MSRA: variants seen among roughly 807,000 people sequenced by gnomAD.
MSRA encodes the protein mitochondrial peptide methionine sulfoxide reductase.
MSRA carries 54 observed loss-of-function variants against 31.3 expected under a neutral mutation model. The ratio of observed to expected loss-of-function variants is 1.73; its 90% CI spans 1.39 to 2.17. The LOEUF (loss-of-function observed/expected upper bound fraction) is 2.17, where lower values mean the gene tolerates loss of function less well. Ranked by LOEUF, MSRA falls within the 30% of genes most tolerant of loss-of-function variation. The pLI is 0.00. For synonymous variants in MSRA, 169 were observed against 116.5 expected (o/e 1.45, Z -2.90); for missense variants, 507 against 300.9 (o/e 1.69, Z -5.07).
At chr8:10,368,659 G>C (rs899320860) in intron 5 of MSRA, among the ~76,000 whole-genome samples, 3 of 152,228 alleles carry the variant, frequency 2.0e-5, no homozygotes, top group Non-Finnish European at 4.4e-5. Context: ...CACAATGAAA[G>C]ATAAAAGCTC....
intron 1 of MSRA, among the ~76,000 whole-genome samples, chr8:10,201,959 G>C (rs1228474734): frequency 1.3e-5 from 2 of 152,254 alleles, no homozygotes; most frequent in Non-Finnish European, 2.9e-5. Context: ...CCCACCAGTT[G>C]GGAGGCACCC....
At chr8:10,126,453 C>T (rs932701823) in intron 1 of MSRA, among the ~76,000 whole-genome samples, 3 of 152,074 alleles carry the variant, frequency 2.0e-5, no homozygotes, top group Non-Finnish European at 2.9e-5. Flanking sequence ...GGGGCAGGGG[C>T]GATGGTTTCA....
chr8:10,070,170 C>T (rs1246365769), intron 1 of MSRA, among the ~76,000 whole-genome samples: 1 of 152,172 alleles, frequency 6.6e-6, no homozygotes, highest in Non-Finnish European at 1.5e-5. Context: ...AGCTGATGCC[C>T]ACCTTTCTAT....
At chr8:10,394,281 C>G (rs563476607) in intron 5 of MSRA, among the ~76,000 whole-genome samples, 1 of 152,138 alleles carries the variant, frequency 6.6e-6, no homozygotes, top group Non-Finnish European at 1.5e-5. Context: ...TAGTCCCCAG[C>G]GACGATAGTT....
chr8:10,163,824 G>T (rs572768829), intron 1 of MSRA, among the ~76,000 whole-genome samples: 1 of 152,382 alleles, frequency 6.6e-6, no homozygotes, highest in Non-Finnish European at 1.5e-5. Flanking sequence ...GCATGCTGGT[G>T]TGGCAGACGA....
intron 4 of MSRA, among the ~76,000 whole-genome samples, chr8:10,314,362 G>A (rs1193191273): frequency 6.6e-6 from 1 of 151,770 alleles, no homozygotes; most frequent in Non-Finnish European, 1.5e-5. Context: ...AGAAAAAATG[G>A]GCAAAGGACT....
intron 3 of MSRA, among the ~76,000 whole-genome samples, chr8:10,290,761 A>G (rs1800190847): frequency 6.6e-6 from 1 of 152,234 alleles, no homozygotes; most frequent in African/African-American, 2.4e-5. Context: ...AGTAGCATCA[A>G]GGAATCATAG....
chr8:10,318,858 ACAGATGCTTCCTGGGTTACAG>A (rs1185069091), intron 4 of MSRA, among the ~76,000 whole-genome samples: 1 of 152,148 alleles, frequency 6.6e-6, no homozygotes, highest in Admixed American at 6.5e-5. Context: ...GGGCTTTGAC[ACAGATGCTTCCTGGGTTACAG>A]CTGCTTTTGC....
At chr8:10,236,194 A>G (rs955500494) in intron 2 of MSRA, among the ~76,000 whole-genome samples, 4 of 152,228 alleles carry the variant, frequency 2.6e-5, no homozygotes, top group African/African-American at 9.6e-5. Flanking sequence ...TCCCACTAAT[A>G]TTAAGATGAG....
intron 1 of MSRA, among the ~76,000 whole-genome samples, chr8:10,114,219 G>A (rs917176145): frequency 1.3e-5 from 2 of 152,142 alleles, no homozygotes; most frequent in African/African-American, 4.8e-5. Context: ...TCCATCATCA[G>A]TTGGTGGACA....
chr8:10,054,664 C>A lies in MSRA; in HGVS notation c.142+6C>A. 6.6e-7 allele frequency: 1 copy of A among 1,522,464 alleles called. No individual in the cohort carries two copies. The highest frequency in any genetic ancestry group is 8.8e-7 in the Non-Finnish European group (1 of 1,131,498). 94.3% of individuals were successfully genotyped at this position (1,522,464 alleles called of 1,614,324 possible). A position where few individuals can be genotyped will look rare whatever the true frequency, so the allele number is the denominator to read the frequency against. ...GGAACAGACCCCTGTAGCGGGTAAG[C>A]ACTGGCCACACGGAAGGCGCGGGCG... On this transcript the variant is annotated splice_donor_region_variant and intron_variant, in intron 1 of 5. Coordinates refer to ENST00000317173, the MANE Select transcript of MSRA (RefSeq NM_012331.5).
intron 1 of MSRA, among the ~76,000 whole-genome samples, chr8:10,129,572 G>C (rs944155836): frequency 1.3e-5 from 2 of 152,072 alleles, no homozygotes; most frequent in African/African-American, 2.4e-5. Flanking sequence ...GGGAAGACCA[G>C]CTCAGGAGGA....
rs548360766 is a variant in MSRA at position 10,192,046 on chromosome 8, G to A, written c.143-15787G>A. Among the ~76,000 whole-genome samples the A allele has an allele frequency of 9.9e-5, 15 of 152,170 alleles. No homozygotes were observed. The South Asian group carries it at 1.0e-3, about 11-fold the overall frequency. The stretch of plus-strand genomic sequence containing the variant: ...TTCACAGGGCTGTTGGCAAGCCTCC[G>A]TTTCCTGCCACATGGGCCTCTTCAT... On this transcript the variant is annotated intron_variant, in intron 1 of 5. Transcript: ENST00000317173.
intron 5 of MSRA, among the ~76,000 whole-genome samples, chr8:10,339,531 CTT>C (rs774034241): frequency 3.3e-3 from 241 of 72,774 alleles, no homozygotes; most frequent in African/African-American, 8.2e-3. Flanking sequence ...TTCTTTCTTT[CTT>C]TTTTTTTTTT....
At chr8:10,276,610 C>G (rs1039154193) in intron 3 of MSRA, among the ~76,000 whole-genome samples, 3 of 152,208 alleles carry the variant, frequency 2.0e-5, no homozygotes, top group African/African-American at 7.2e-5. Flanking sequence ...CCATCTCGTC[C>G]TTTATTAATA....
At chr8:10,117,354 C>G (rs1034148606) in intron 1 of MSRA, among the ~76,000 whole-genome samples, 1 of 152,118 alleles carries the variant, frequency 6.6e-6, no homozygotes, top group African/African-American at 2.4e-5. Flanking sequence ...AACACAGCCT[C>G]AAAAATCCAC....
At chr8:10,055,132 C>T (rs1482849859) in intron 1 of MSRA, among the ~76,000 whole-genome samples, 2 of 150,594 alleles carry the variant, frequency 1.3e-5, no homozygotes, top group East Asian at 4.0e-4. Flanking sequence ...CGATGAAAAC[C>T]TTAAGTGTGG....
At chr8:10,393,076 A>G (rs888086162) in intron 5 of MSRA, among the ~76,000 whole-genome samples, 1 of 151,042 alleles carries the variant, frequency 6.6e-6, no homozygotes. Context: ...AAAAAAAAAA[A>G]AAAAAAAGTT....
chr8:10,196,051 A>G (rs1807949556), intron 1 of MSRA, among the ~76,000 whole-genome samples: 1 of 152,094 alleles, frequency 6.6e-6, no homozygotes, highest in Non-Finnish European at 1.5e-5. Context: ...CAGAGAGGAG[A>G]GGGTGCGGGG....
Sources: gnomAD v4.1 joint callset for allele counts (sites outside exome capture counted in the v4.1 genomes callset) on GRCh38, gnomAD v4.1.1 for gene constraint, MANE v1.5 for transcripts, NCBI Gene and HGNC (gene_info 2026-07-23, HGNC 2026-07-21) for gene names.